Variants in PEX13 observed in about 807,000 individuals in gnomAD.
PEX13 encodes the protein peroxisome biogenesis factor 13.
Under a neutral mutation model 34.5 loss-of-function variants are expected in PEX13, and 28 were observed. The ratio of observed to expected loss-of-function variants is 0.81; its 90% CI spans 0.60 to 1.11. PEX13 has a LOEUF of 1.11. PEX13 is among the 50% of genes most tolerant of loss of function. The pLI, the probability that PEX13 is intolerant of heterozygous loss-of-function variation, is 0.00. For synonymous variants in PEX13, 177 were observed against 175.1 expected (o/e 1.01, Z -0.09); for missense variants, 550 against 491.0 (o/e 1.12, Z -1.13).
chr2:61,028,681 C>T (rs1286150996), intron 1 of PEX13, among the ~76,000 whole-genome samples: 1 of 152,008 alleles, frequency 6.6e-6, no homozygotes, highest in Admixed American at 6.6e-5. Flanking sequence ...GCCACCATGC[C>T]TGGGCTGGGG....
intron 2 of PEX13, among the ~76,000 whole-genome samples, chr2:61,043,807 A>G (rs1013623104): frequency 2.0e-5 from 3 of 152,232 alleles, no homozygotes; most frequent in South Asian, 4.1e-4. Flanking sequence ...TGGCAATTCA[A>G]TGGCAGAACA....
intron 2 of PEX13, among the ~76,000 whole-genome samples, chr2:61,033,193 C>T (rs1434006323): frequency 6.6e-6 from 1 of 152,114 alleles, no homozygotes; most frequent in Non-Finnish European, 1.5e-5. Flanking sequence ...TTCCTACTGT[C>T]TAACCTGCTT....
At chr2:61,019,370 ACT>A (rs1249604781) in intron 1 of PEX13, among the ~76,000 whole-genome samples, 1 of 151,846 alleles carries the variant, frequency 6.6e-6, no homozygotes, top group African/African-American at 2.4e-5. Context: ...AATATTTTTC[ACT>A]GTGTGGCTTC....
At chr2:61,033,841 AGT>A (rs762163040) in intron 2 of PEX13, among the ~76,000 whole-genome samples, 3 of 152,168 alleles carry the variant, frequency 2.0e-5, no homozygotes, top group Non-Finnish European at 4.4e-5. Context: ...ATTGGAGCAA[AGT>A]GTTAGTGGCA....
intron 2 of PEX13, among the ~76,000 whole-genome samples, chr2:61,034,684 C>T (rs866155571): frequency 6.6e-6 from 1 of 152,232 alleles, no homozygotes; most frequent in Non-Finnish European, 1.5e-5. Context: ...AGGTCCCATG[C>T]CCACGGAGCC....
chr2:61,031,202 G>A (rs1680443690), intron 1 of PEX13, among the ~76,000 whole-genome samples: 1 of 152,130 alleles, frequency 6.6e-6, no homozygotes, highest in African/African-American at 2.4e-5. Flanking sequence ...GAGGTGGGAG[G>A]ATCACTTGAG....
chr2:61,020,210 A>C (rs952516507), intron 1 of PEX13, among the ~76,000 whole-genome samples: 1 of 152,192 alleles, frequency 6.6e-6, no homozygotes, highest in African/African-American at 2.4e-5. Context: ...TGGGCAACAG[A>C]GGGAGACTCC....
intron 1 of PEX13, among the ~76,000 whole-genome samples, chr2:61,027,340 A>C (rs77657129): frequency 6.7e-6 from 1 of 148,352 alleles, no homozygotes; most frequent in Non-Finnish European, 1.5e-5. Context: ...CTCTGTCTCA[A>C]AAAAAAAAAA....
chr2:61,043,593 A>G (rs1315584420), intron 2 of PEX13, among the ~76,000 whole-genome samples: 1 of 152,218 alleles, frequency 6.6e-6, no homozygotes, highest in African/African-American at 2.4e-5. Flanking sequence ...AAAAGTTACA[A>G]AGGTTTTGAA....
intron 2 of PEX13, among the ~76,000 whole-genome samples, chr2:61,040,177 G>A (rs1033351453): frequency 3.3e-5 from 5 of 152,140 alleles, no homozygotes; most frequent in African/African-American, 1.2e-4. Context: ...AAGACAGTGT[G>A]GCGATTCCTC....
intron 1 of PEX13, among the ~76,000 whole-genome samples, chr2:61,030,172 G>A (rs1245692926): frequency 1.3e-5 from 2 of 152,134 alleles, no homozygotes; most frequent in East Asian, 1.9e-4. Flanking sequence ...AAAATACTAC[G>A]TATTGTATGA....
At chr2:61,039,378 T>C (rs1559041135) in intron 2 of PEX13, among the ~76,000 whole-genome samples, 1 of 152,188 alleles carries the variant, frequency 6.6e-6, no homozygotes. Context: ...AACAGCATGG[T>C]GCTTGTACCA....
intron 1 of PEX13, among the ~76,000 whole-genome samples, chr2:61,024,870 G>A (rs901031424): frequency 6.6e-5 from 10 of 152,166 alleles, no homozygotes; most frequent in Admixed American, 1.3e-4. Flanking sequence ...TTGGTTTGGT[G>A]TTGTTTTTAG....
intron 1 of PEX13, among the ~76,000 whole-genome samples, chr2:61,028,037 T>C (rs1680389819): frequency 6.6e-6 from 1 of 152,250 alleles, no homozygotes; most frequent in Admixed American, 6.5e-5. Context: ...GGATGATGAA[T>C]CGATGCTAAA....
chr2:61,044,098 C>T (rs1317168955), intron 2 of PEX13, among the ~76,000 whole-genome samples: 2 of 152,034 alleles, frequency 1.3e-5, no homozygotes. Context: ...TAGAAGTACA[C>T]ACCACCACAC....
intron 1 of PEX13, among the ~76,000 whole-genome samples, chr2:61,028,476 G>A (rs1426682853): frequency 2.1e-4 from 32 of 150,694 alleles, no homozygotes; most frequent in Admixed American, 2.0e-3. Flanking sequence ...TGCAACAGCC[G>A]CCTCTGGGGT....
At chr2:61,020,183 G>A (rs1203185174) in intron 1 of PEX13, among the ~76,000 whole-genome samples, 5 of 152,148 alleles carry the variant, frequency 3.3e-5, no homozygotes, top group South Asian at 2.1e-4. Flanking sequence ...CCAAGATCAC[G>A]CCACTGCACT....
intron 1 of PEX13, among the ~76,000 whole-genome samples, chr2:61,029,771 C>T (rs181672089): frequency 6.6e-6 from 1 of 150,898 alleles, no homozygotes; most frequent in East Asian, 1.9e-4. Context: ...ATGATCATGC[C>T]ACAACACTCT....
intron 1 of PEX13, chr2:61,018,325 C>T (rs1680152631): frequency 1.3e-6 from 2 of 1,534,912 alleles, no homozygotes; most frequent in Non-Finnish European, 1.8e-6. Flanking sequence ...GAACTCAAGC[C>T]CCGTACACTT....
Sources: allele counts gnomAD v4.1 joint callset (sites outside exome capture counted in the v4.1 genomes callset), GRCh38; gene constraint gnomAD v4.1.1; transcripts MANE v1.5; gene names NCBI Gene and HGNC (gene_info 2026-07-23, HGNC 2026-07-21).